DMRT1: variants seen among roughly 807,000 people sequenced by gnomAD.
DMRT1 encodes the protein doublesex and mab-3 related transcription factor 1, also known as doublesex- and mab-3-related transcription factor 1.
DMRT1 carries 7 observed loss-of-function variants against 32.3 expected under a neutral mutation model. That is an observed-to-expected ratio of 0.22 (90% CI 0.12 to 0.41). The LOEUF is 0.41. Among genes scored for constraint, DMRT1 ranks in the 10% least tolerant of loss-of-function variants. The probability of loss-of-function intolerance (pLI) is 1.00; values close to 1 mark genes in which losing one functional copy is unlikely to be tolerated. For synonymous variants in DMRT1, 278 were observed against 206.1 expected, an observed-to-expected ratio of 1.35 and a Z score of -2.99; for missense variants, 625 against 500.5, an observed-to-expected ratio of 1.25 and a Z score of -2.37.
At chr9:960,161 A>C (rs893112382) in intron 4 of DMRT1, among the ~76,000 whole-genome samples, 1 of 152,186 alleles carries the variant, frequency 6.6e-6, no homozygotes, top group Non-Finnish European at 1.5e-5. Flanking sequence ...GTTAAGTGTC[A>C]CTGAAGGCCT....
At chr9:964,738 A>G (rs754273271) in intron 4 of DMRT1, among the ~76,000 whole-genome samples, 1 of 152,166 alleles carries the variant, frequency 6.6e-6, no homozygotes, top group Non-Finnish European at 1.5e-5. Context: ...CTCAGGCTCA[A>G]TTATTCTTCC....
At chr9:851,928 G>C (rs1269395317) in intron 2 of DMRT1, among the ~76,000 whole-genome samples, 1 of 144,354 alleles carries the variant, frequency 6.9e-6, no homozygotes, top group African/African-American at 2.5e-5. Flanking sequence ...TCAGTTGTTA[G>C]CAGGTACACT....
At position 881,993 on chromosome 9, in the gene DMRT1, A is replaced by G. The variant is rs542225060; in HGVS notation, c.539-11919A>G. Among the ~76,000 whole-genome samples the G allele has an allele frequency of 3.9e-5, 6 of 152,366 alleles. No homozygotes were observed. In the South Asian group the frequency reaches 1.2e-3, roughly 32 times the overall value. ...TGAGACAGGCTTTCATGGCCATGAG[A>G]CATTGCCTTGGAGGGTCAGAGAAAT... On this transcript the variant is annotated intron_variant, in intron 2 of 4. Coordinates refer to ENST00000382276, the MANE Select transcript of DMRT1 (RefSeq NM_021951.3).
chr9:907,259 T>A (rs1244369986), intron 3 of DMRT1, among the ~76,000 whole-genome samples: 1 of 152,234 alleles, frequency 6.6e-6, no homozygotes, highest in Non-Finnish European at 1.5e-5. Context: ...TTACTGAAAC[T>A]CTGTTTCTTA....
intron 4 of DMRT1, among the ~76,000 whole-genome samples, chr9:946,484 C>A (rs1564269457): frequency 1.3e-5 from 2 of 152,120 alleles, no homozygotes; most frequent in Non-Finnish European, 2.9e-5. Flanking sequence ...GTGGCTCTCT[C>A]CTCCCTCTGC....
intron 4 of DMRT1, among the ~76,000 whole-genome samples, chr9:953,040 A>G (rs1224450928): frequency 6.6e-6 from 1 of 152,164 alleles, no homozygotes; most frequent in South Asian, 2.1e-4. Flanking sequence ...ATGTGTAGAG[A>G]CTTTCTTTGT....
At chr9:900,081 A>G (rs867721880) in intron 3 of DMRT1, among the ~76,000 whole-genome samples, 2 of 152,376 alleles carry the variant, frequency 1.3e-5, no homozygotes, top group African/African-American at 4.8e-5. Flanking sequence ...ACCACTGAAC[A>G]AAACACAAAA....
In DMRT1 at chr9:881,113, C is replaced by T. The variant is rs1374420664; in HGVS notation, c.539-12799C>T. Reference sequence around the variant, plus strand: ...TGATCATGGGGAATTCTATAGACCCCCCCCACCTCCTCCTCCTGTGCAGCC... The same window carrying T: ...TGATCATGGGGAATTCTATAGACCCTCCCCACCTCCTCCTCCTGTGCAGCC... On this transcript the variant is annotated intron_variant, in intron 2 of 4. Transcript: ENST00000382276. 2.6e-5 allele frequency among the ~76,000 whole-genome samples: 4 copies of T among 152,170 alleles called. No individual in the cohort carries two copies. In the East Asian group the frequency reaches 5.8e-4, roughly 22 times the overall value.
chr9:878,200 G>GCTCC (rs1816584290), intron 2 of DMRT1, among the ~76,000 whole-genome samples: 2 of 94,040 alleles, frequency 2.1e-5, no homozygotes, highest in African/African-American at 4.3e-5. Flanking sequence ...TGCAGCTGCT[G>GCTCC]CCCCCCCCCC....
chr9:885,595 CT>C (rs1240558753), intron 2 of DMRT1, among the ~76,000 whole-genome samples: 1 of 152,224 alleles, frequency 6.6e-6, no homozygotes, highest in Non-Finnish European at 1.5e-5. Flanking sequence ...CACCAATCTA[CT>C]CGTCTCAATG....
intron 2 of DMRT1, among the ~76,000 whole-genome samples, chr9:877,826 T>C (rs1589489101): frequency 6.6e-6 from 1 of 152,104 alleles, no homozygotes; most frequent in Non-Finnish European, 1.5e-5. Flanking sequence ...TTCCTTTATT[T>C]TAGGGAAGGT....
intron 4 of DMRT1, among the ~76,000 whole-genome samples, chr9:938,792 A>G: frequency 6.6e-6 from 1 of 152,234 alleles, no homozygotes; most frequent in East Asian, 1.9e-4. Context: ...GAGGTGGCAC[A>G]AGTGGGCATC....
intron 4 of DMRT1, among the ~76,000 whole-genome samples, chr9:948,887 C>T (rs1704150295): frequency 6.8e-6 from 1 of 147,846 alleles, no homozygotes; most frequent in Non-Finnish European, 1.5e-5. Flanking sequence ...GAAACTCTGT[C>T]TCTACTAAAA....
At chr9:918,560 GA>G (rs760422713) in intron 4 of DMRT1, among the ~76,000 whole-genome samples, 2 of 152,170 alleles carry the variant, frequency 1.3e-5, no homozygotes, top group Non-Finnish European at 2.9e-5. Flanking sequence ...CGCTCACAGG[GA>G]AAGAAGAATA....
intron 3 of DMRT1, among the ~76,000 whole-genome samples, chr9:915,731 TTTAATATATATATA>T: frequency 6.6e-6 from 1 of 152,092 alleles, no homozygotes; most frequent in African/African-American, 2.4e-5. Context: ...ATTTGTTTTT[TTTAATATATATATA>T]TTTTTTAGAC....
intron 2 of DMRT1, among the ~76,000 whole-genome samples, chr9:857,827 C>A (rs975926380): frequency 7.4e-6 from 1 of 135,852 alleles, no homozygotes; most frequent in Non-Finnish European, 1.5e-5. Flanking sequence ...CTTCCTGTGT[C>A]CATGTGTTCT....
chr9:948,750 A>G (rs1274966393), intron 4 of DMRT1, among the ~76,000 whole-genome samples: 1 of 152,026 alleles, frequency 6.6e-6, no homozygotes, highest in Admixed American at 6.6e-5. Context: ...GGGTCCTTAA[A>G]GTCTCTCCCT....
intron 4 of DMRT1, among the ~76,000 whole-genome samples, chr9:958,304 TAA>T (rs1360239527): frequency 6.6e-6 from 1 of 152,268 alleles, no homozygotes; most frequent in Non-Finnish European, 1.5e-5. Context: ...GCAAATTCTA[TAA>T]AATTCTACTT....
At chr9:959,934 T>G (rs1819718481) in intron 4 of DMRT1, among the ~76,000 whole-genome samples, 1 of 152,260 alleles carries the variant, frequency 6.6e-6, no homozygotes, top group Non-Finnish European at 1.5e-5. Flanking sequence ...ATTGTTTTTC[T>G]CACTCATGCA....
Sources: gnomAD v4.1 joint callset for allele counts (sites outside exome capture counted in the v4.1 genomes callset) on GRCh38, gnomAD v4.1.1 for gene constraint, MANE v1.5 for transcripts, NCBI Gene and HGNC (gene_info 2026-07-23, HGNC 2026-07-21) for gene names.